TENM2: variants seen among roughly 807,000 people sequenced by gnomAD.
The protein encoded by TENM2 is teneurin transmembrane protein 2.
TENM2 carries 52 observed loss-of-function variants against 245.2 expected under a neutral mutation model. The observed-to-expected ratio is 0.21, with a 90% CI of 0.17 to 0.27. TENM2 has a LOEUF of 0.27. Among genes scored for constraint, TENM2 ranks in the 10% least tolerant of loss-of-function variants. The probability of loss-of-function intolerance (pLI) is 1.00; values close to 1 mark genes in which losing one functional copy is unlikely to be tolerated. For synonymous variants in TENM2, 1,363 were observed against 1,438.9 expected (o/e 0.95, Z 1.19); for missense variants, 3,046 against 3,666.8 (o/e 0.83, Z 4.37).
At chr5:167,015,638 A>G in the TENM2 span, among the ~76,000 whole-genome samples, 1 of 152,210 alleles carries the variant, frequency 6.6e-6, no homozygotes, top group Non-Finnish European at 1.5e-5. Flanking sequence ...TTTACAAATT[A>G]TAGTTTGTTT....
chr5:167,656,304 G>A (rs1754836490), intron 2 of TENM2, among the ~76,000 whole-genome samples: 1 of 152,108 alleles, frequency 6.6e-6, no homozygotes, highest in African/African-American at 2.4e-5. Context: ...CATGTCTCCT[G>A]AGCACATGTG....
the TENM2 span, among the ~76,000 whole-genome samples, chr5:167,227,307 C>G: frequency 1.3e-5 from 2 of 151,830 alleles, no homozygotes; most frequent in Admixed American, 6.6e-5. Flanking sequence ...TGTAGTGGTA[C>G]CATTTGAGTC....
At chr5:167,313,379 G>C (rs1464480480) in intron 1 of TENM2, among the ~76,000 whole-genome samples, 1 of 152,072 alleles carries the variant, frequency 6.6e-6, no homozygotes, top group East Asian at 1.9e-4. Flanking sequence ...GGTGGCTCAC[G>C]CCTTATAATC....
intron 4 of TENM2, among the ~76,000 whole-genome samples, chr5:167,969,765 C>T (rs1294427837): frequency 2.0e-5 from 3 of 152,196 alleles, no homozygotes; most frequent in Admixed American, 2.0e-4. Flanking sequence ...AAGTAAAGCA[C>T]TTCTTGACAT....
At chr5:167,554,751 T>C (rs1773153654) in intron 2 of TENM2, among the ~76,000 whole-genome samples, 1 of 152,158 alleles carries the variant, frequency 6.6e-6, no homozygotes, top group Non-Finnish European at 1.5e-5. Flanking sequence ...CCAGGGCCTG[T>C]ATTCCTAACC....
chr5:167,586,313 G>T (rs555670858), intron 2 of TENM2, among the ~76,000 whole-genome samples: 1 of 152,188 alleles, frequency 6.6e-6, no homozygotes, highest in South Asian at 2.1e-4. Flanking sequence ...TGAGGGACTT[G>T]AGCATCTGTG....
intron 1 of TENM2, chr5:167,306,367 C>CAGT (rs1265652596): frequency 2.0e-5 from 3 of 152,156 alleles, no homozygotes; most frequent in Non-Finnish European, 2.9e-5. Context: ...TTGAGACACA[C>CAGT]AGTAAGTACT....
chr5:167,040,720 A>G, the TENM2 span, among the ~76,000 whole-genome samples: 2 of 152,320 alleles, frequency 1.3e-5, no homozygotes, highest in Admixed American at 1.3e-4. Context: ...TATAAATTCT[A>G]AACATATATA....
intron 5 of TENM2, among the ~76,000 whole-genome samples, chr5:168,003,413 G>A (rs373754868): frequency 8.6e-5 from 13 of 151,892 alleles, no homozygotes; most frequent in Admixed American, 2.0e-4. Context: ...CAAAAAGGGT[G>A]GGATGAAATT....
At chr5:167,078,523 C>T in the TENM2 span, among the ~76,000 whole-genome samples, 2 of 141,738 alleles carry the variant, frequency 1.4e-5, no homozygotes, top group African/African-American at 5.4e-5. Flanking sequence ...ACAACAACAA[C>T]AAGGCACGTT....
chr5:168,208,613 G>A (rs746020784), intron 19 of TENM2, among the ~76,000 whole-genome samples: 7 of 152,198 alleles, frequency 4.6e-5, no homozygotes, highest in Non-Finnish European at 7.3e-5. Flanking sequence ...CTTAAAGAAC[G>A]GAAATGCTTT....
chr5:167,544,190 T>C (rs988006770), intron 2 of TENM2, among the ~76,000 whole-genome samples: 1 of 152,164 alleles, frequency 6.6e-6, no homozygotes, highest in African/African-American at 2.4e-5. Context: ...CTTGGTTGTG[T>C]ATGGTTGACC....
chr5:166,985,853 G>A, the TENM2 span, among the ~76,000 whole-genome samples: 1 of 152,136 alleles, frequency 6.6e-6, no homozygotes, highest in South Asian at 2.1e-4. Context: ...CCAAAAAAGT[G>A]ACAGGTGTTT....
chr5:168,001,283 C>G (rs1189411273), intron 5 of TENM2, among the ~76,000 whole-genome samples: 3 of 152,302 alleles, frequency 2.0e-5, no homozygotes, highest in South Asian at 2.1e-4. Context: ...TTTAAGCCCT[C>G]TAGCAGGAAT....
the TENM2 span, among the ~76,000 whole-genome samples, chr5:167,020,330 T>C: frequency 1.3e-5 from 2 of 152,196 alleles, no homozygotes; most frequent in East Asian, 3.9e-4. Flanking sequence ...ATATTAAGAA[T>C]GCTAGGAAGA....
chr5:167,781,716 C>T (rs181250856), intron 2 of TENM2, among the ~76,000 whole-genome samples: 1 of 152,270 alleles, frequency 6.6e-6, no homozygotes, highest in Admixed American at 6.5e-5. Context: ...CCTGCATTGG[C>T]CCTAAGTTTC....
intron 15 of TENM2, among the ~76,000 whole-genome samples, chr5:168,197,665 G>A (rs550733135): frequency 2.1e-5 from 3 of 141,006 alleles, no homozygotes; most frequent in South Asian, 2.2e-4. Flanking sequence ...ATGCCACTGC[G>A]CTCCAGCCTG....
At chr5:168,154,750 G>A (rs1277081762) in intron 12 of TENM2, among the ~76,000 whole-genome samples, 2 of 152,092 alleles carry the variant, frequency 1.3e-5, no homozygotes, top group Admixed American at 6.5e-5. Flanking sequence ...TGCTGTTGGG[G>A]TTGTGGGGAG....
intron 7 of TENM2, among the ~76,000 whole-genome samples, chr5:168,062,831 G>C (rs1790161917): frequency 6.6e-6 from 1 of 152,180 alleles, no homozygotes; most frequent in African/African-American, 2.4e-5. Flanking sequence ...CAAATACATA[G>C]AAACAGAAAG....
Sources: allele counts gnomAD v4.1 joint callset (sites outside exome capture counted in the v4.1 genomes callset), GRCh38; gene constraint gnomAD v4.1.1; transcripts MANE v1.5; gene names NCBI Gene and HGNC (gene_info 2026-07-23, HGNC 2026-07-21).